Variants in RHOXF1 observed in about 807,000 individuals in gnomAD.
RHOXF1 encodes PEPP subfamily gene 1.
In RHOXF1, 1 loss-of-function variant was observed where a neutral mutation model predicts 9.7. The ratio of observed to expected loss-of-function variants is 0.10; its 90% CI spans 0.04 to 0.49. The LOEUF is 0.49. Ranked by LOEUF, RHOXF1 falls within the 20% of genes least tolerant of loss-of-function variation. The pLI, the probability that RHOXF1 is intolerant of heterozygous loss-of-function variation, is 0.95. For synonymous variants in RHOXF1, 72 were observed against 70.2 expected (o/e 1.03, Z -0.13); for missense variants, 179 against 168.0 (o/e 1.07, Z -0.36).
intron 1 of RHOXF1, among the ~76,000 whole-genome samples, chrX:120,114,687 A>G (rs1022826066): frequency 5.3e-5 from 6 of 112,234 alleles, no homozygotes; most frequent in African/African-American, 1.9e-4. Context: ...CACTAAGCAC[A>G]TGAAAGGATG....
At position 120,109,105 on chromosome X, in the gene RHOXF1, C is replaced by A; in HGVS notation, c.*87G>T. 2.0e-6 allele frequency: 1 copy of A among 510,608 alleles called. No homozygotes were observed. The allele number at this position is 510,608 out of a possible 1,213,427, so 42.1% of individuals were successfully genotyped here. On this transcript the variant is annotated 3_prime_UTR_variant, in exon 3 of 3. Coordinates refer to ENST00000217999, the MANE Select transcript of RHOXF1 (RefSeq NM_139282.3). Reference sequence around the variant, plus strand: ...ATAAGTGCAGAGGAGATAAGGGTAGCCTGAGCGGCATGGGCAGCCCAGGTG... The same window carrying A: ...ATAAGTGCAGAGGAGATAAGGGTAGACTGAGCGGCATGGGCAGCCCAGGTG...
upstream of RHOXF1, among the ~76,000 whole-genome samples, chrX:120,118,886 G>A (rs1284389696): frequency 9.0e-6 from 1 of 111,465 alleles, no homozygotes; most frequent in African/African-American, 3.3e-5. Context: ...TGGTATCTAG[G>A]AATAAGATAT....
rs1377162159 is a variant in RHOXF1 at position 120,115,767 on chromosome X, G to A, written c.96C>T (p.Ser32=). 8.3e-7 allele frequency: 1 copy of A among 1,208,279 alleles called. No individual in the cohort carries two copies. The highest frequency in any genetic ancestry group is 1.8e-5 in the South Asian group (1 of 56,898). The change falls in exon 1 of 3, where the codon AGC becomes AGT. Residue 32 remains serine, a synonymous_variant. Coordinates refer to ENST00000217999, the MANE Select transcript of RHOXF1 (RefSeq NM_139282.3). ...SPTPQLGAAS[S]AEGHVGQGAP... ...CTCCTTGGCCAACATGGCCTTCTGC[G>A]CTTGATGCTGCCCCCAGCTGAGGTG...
chrX:120,119,656 A>T (rs2057309418), upstream of RHOXF1: 1 of 110,996 alleles, frequency 9.0e-6, no homozygotes, highest in Non-Finnish European at 1.9e-5. Context: ...GCACTCCATG[A>T]TTAAAACTCT....
At chrX:120,112,485 T>A (rs782159149) in intron 2 of RHOXF1, among the ~76,000 whole-genome samples, 6 of 24,897 alleles carry the variant, frequency 2.4e-4, no homozygotes, top group African/African-American at 4.5e-4. Context: ...ATATATGTGT[T>A]ATATATAATA....
chrX:120,116,278 T>G (rs868953711), upstream of RHOXF1: 17 of 10,031 alleles, frequency 1.7e-3, no homozygotes, highest in South Asian at 7.3e-3. Flanking sequence ...GTGGTGGGGG[T>G]AGGGGTTGTG....
upstream of RHOXF1, chrX:120,115,950 C>G (rs2057293572): frequency 1.1e-6 from 1 of 889,524 alleles, no homozygotes; most frequent in African/African-American, 2.3e-5. Flanking sequence ...TGTTCTCATG[C>G]TTGGTATTGG....
intron 2 of RHOXF1, among the ~76,000 whole-genome samples, chrX:120,111,249 C>T (rs1353842216): frequency 1.8e-5 from 2 of 111,366 alleles, no homozygotes; most frequent in Non-Finnish European, 3.8e-5. Context: ...GTTTGCCTTA[C>T]CAGCTGGAGA....
chrX:120,109,201 G>A lies in RHOXF1; in HGVS notation c.546C>T (p.Val182=), dbSNP rs145568775. 2.6e-5 allele frequency: 30 copies of A among 1,175,116 alleles called. No homozygotes were observed. Among genetic ancestry groups the A allele is most frequent in the African/African-American group, 7.1e-5 (4 of 56,555 alleles). ...RADPDDCVYI[V]VD is the part of the protein sequence containing the mutation. ...GGATGGCATTCTAGGGCTAGTCCAC[G>A]ACGATGTAGACACAGTCGTCTGGGT... The change falls in exon 3 of 3, where the codon GTC becomes GTT. Residue 182 remains valine, a synonymous_variant. Transcript: ENST00000217999.
intron 1 of RHOXF1, among the ~76,000 whole-genome samples, 171 bp from the exon 2 acceptor site, chrX:120,113,085 T>C (rs1238845944): frequency 8.9e-6 from 1 of 112,092 alleles, no homozygotes; most frequent in African/African-American, 3.2e-5. Flanking sequence ...TTAGAAATGG[T>C]TTACCCTCAT....
At chrX:120,112,468 AAT>A (rs1247620565) in intron 2 of RHOXF1, among the ~76,000 whole-genome samples, 1 of 53,473 alleles carries the variant, frequency 1.9e-5, no homozygotes, top group African/African-American at 4.2e-5. Flanking sequence ...TATAATATAT[AAT>A]ACACATATAT....
At position 120,112,479 on chromosome X, in the gene RHOXF1, ATG is replaced by A. The variant is rs1274053519; in HGVS notation, c.444+388_444+389del. On this transcript the variant is annotated intron_variant, in intron 2 of 2. Coordinates refer to ENST00000217999, the MANE Select transcript of RHOXF1 (RefSeq NM_139282.3). ...TATGTATAATATATAATACACATATATGTGTTATATATAATACACATATATGT... is the reference window on the plus strand; with the variant it reads ...TATGTATAATATATAATACACATATATGTTATATATAATACACATATATGT... Among the ~76,000 whole-genome samples, 192 of 68,995 alleles carry A rather than the reference ATG, an allele frequency of 2.8e-3. 6 individuals carry two copies. Among genetic ancestry groups the A allele is most frequent in the African/African-American group, 7.7e-3 (181 of 23,368 alleles). 59.9% of individuals were successfully genotyped at this position (68,995 alleles called of 115,157 possible).
Position 120,115,901 on chromosome X carries a change from C to T in RHOXF1, c.-39G>A. The T allele has an allele frequency of 8.9e-7, 1 of 1,129,491 alleles. No individual in the cohort carries two copies. Among genetic ancestry groups the T allele is most frequent in the Non-Finnish European group, 1.2e-6 (1 of 858,604 alleles). 93.1% of individuals were successfully genotyped at this position (1,129,491 alleles called of 1,213,427 possible). ...CGCCCCTGCACAAACTCCGTGGCGT[C>T]TGCAGCTGGAGTGGGGGTTAGAGGG... On this transcript the variant is annotated 5_prime_UTR_variant, in exon 1 of 3. Transcript: ENST00000217999.
At chrX:120,117,403 T>G, upstream of RHOXF1, among the ~76,000 whole-genome samples, 1 of 111,908 alleles carries the variant, frequency 8.9e-6, no homozygotes, top group South Asian at 3.8e-4. Flanking sequence ...GTGTGTGTGC[T>G]CTTAAGTGAT....
chrX:120,115,774 G>A lies in RHOXF1; in HGVS notation c.89C>T (p.Ala30Val), dbSNP rs781990338. The change falls in exon 1 of 3, where the codon GCA becomes GTA. Residue 30 changes from alanine (A) to valine (V), a missense_variant. By Grantham distance (64) the Ala-to-Val change is moderately conservative. Transcript: ENST00000217999. Reference sequence around the variant, plus strand: ...GCCAACATGGCCTTCTGCGCTTGATGCTGCCCCCAGCTGAGGTGTGGGGCT... The same window carrying A: ...GCCAACATGGCCTTCTGCGCTTGATACTGCCCCCAGCTGAGGTGTGGGGCT... Reference protein sequence around the residue: ...KISPTPQLGAASSAEGHVGQG... With the variant: ...KISPTPQLGAVSSAEGHVGQG... The A allele has an allele frequency of 1.7e-6, 2 of 1,204,696 alleles. No homozygotes were observed. Among genetic ancestry groups the A allele is most frequent in the African/African-American group, 3.5e-5 (2 of 56,377 alleles).
In RHOXF1 at chrX:120,115,729, A is replaced by G. The variant is rs781846970; in HGVS notation, c.134T>C (p.Met45Thr). 10 of 1,207,217 alleles carry G rather than the reference A, an allele frequency of 8.3e-6. No homozygotes were observed. In the Admixed American group the frequency reaches 1.5e-4, roughly 18 times the overall value. Reference sequence around the variant, plus strand: ...ACCGCCCTCAGGGTTCATATTACCCATGAGGCCTGGAGCTCCTTGGCCAAC... The same window carrying G: ...ACCGCCCTCAGGGTTCATATTACCCGTGAGGCCTGGAGCTCCTTGGCCAAC... ...GHVGQGAPGL[M>T]GNMNPEGGVN... Residue 45 changes from methionine (M) to threonine (T), a missense_variant, in exon 1 of 3, where the codon ATG becomes ACG. By Grantham distance (81) the Met-to-Thr change is moderately conservative. Transcript: ENST00000217999.
chrX:120,112,002 A>T (rs959505051), intron 2 of RHOXF1, among the ~76,000 whole-genome samples: 1 of 111,818 alleles, frequency 8.9e-6, no homozygotes, highest in Non-Finnish European at 1.9e-5. Context: ...TTAGAAAATT[A>T]AAACTTAGGG....
At chrX:120,116,821 C>T (rs1181825497), upstream of RHOXF1, among the ~76,000 whole-genome samples, 1 of 111,390 alleles carries the variant, frequency 9.0e-6, no homozygotes, top group Non-Finnish European at 1.9e-5. Flanking sequence ...ATCTGTTAGC[C>T]TGAGACTGAA....
Position 120,112,911 on chromosome X carries a change from C to T in RHOXF1, c.402G>A (p.Arg134=). 1 of 1,182,061 alleles carries T rather than the reference C, an allele frequency of 8.5e-7. No individual in the cohort carries two copies. The highest frequency in any genetic ancestry group is 1.1e-6 in the Non-Finnish European group (1 of 869,861). ...TCACACCTAAGTTTTCGGCAAGTTC[C>T]CTTCTGTGGAGAGAAGATCACACAT... ...HTQYPDVPTR[R]ELAENLGVTE... Residue 134 remains arginine (R), a synonymous_variant, in exon 2 of 3, where the codon AGG becomes AGA. Transcript: ENST00000217999.
Sources: allele counts gnomAD v4.1 joint callset (sites outside exome capture counted in the v4.1 genomes callset), GRCh38; gene constraint gnomAD v4.1.1; transcripts MANE v1.5; gene names NCBI Gene and HGNC (gene_info 2026-07-23, HGNC 2026-07-21).